The following ADCY9 variants were observed in gnomAD, a reference collection of about 807,000 sequenced individuals.
ADCY9 encodes the protein adenylate cyclase 9, also known as adenylate cyclase type 9.
In ADCY9, 50 loss-of-function variants were observed where a neutral mutation model predicts 101.5. That is an observed-to-expected ratio of 0.49 (90% CI 0.39 to 0.62). ADCY9 has a LOEUF of 0.62. Ranked by LOEUF, ADCY9 falls within the 20% of genes least tolerant of loss-of-function variation. The pLI is 0.00. For missense variants in ADCY9, 1,662 were observed against 1,800.4 expected, an observed-to-expected ratio of 0.92 and a Z score of 1.39; for synonymous variants, 905 against 769.3, an observed-to-expected ratio of 1.18 and a Z score of -2.92.
At chr16:4,066,535 TG>T (rs1232055346) in intron 2 of ADCY9, among the ~76,000 whole-genome samples, 3 of 152,082 alleles carry the variant, frequency 2.0e-5, no homozygotes, top group Non-Finnish European at 4.4e-5. Context: ...CAAAGATGCA[TG>T]TCACCACACC....
At chr16:4,062,042 G>A (rs758432368) in intron 2 of ADCY9, among the ~76,000 whole-genome samples, 1 of 152,160 alleles carries the variant, frequency 6.6e-6, no homozygotes, top group Non-Finnish European at 1.5e-5. Context: ...GTGAGCTCTA[G>A]GCACAGTGGC....
chr16:4,105,287 A>C lies in ADCY9; in HGVS notation c.1693+8463T>G, dbSNP rs549344143. On this transcript the variant is annotated intron_variant, in intron 2 of 10. Transcript: ENST00000294016. The stretch of plus-strand genomic sequence containing the variant: ...ATTTTTAAGCTTCTCAGTTTGTTTC[A>C]ATTTCTAATACTGTAAATATCAATA... 2.0e-5 allele frequency among the ~76,000 whole-genome samples: 3 copies of C among 152,298 alleles called. No homozygotes were observed. The South Asian group carries it at 6.2e-4, about 32-fold the overall frequency.
intron 9 of ADCY9, among the ~76,000 whole-genome samples, chr16:3,975,682 C>G (rs1317365593): frequency 6.6e-6 from 1 of 152,152 alleles, no homozygotes; most frequent in Admixed American, 6.5e-5. Context: ...GAAGAAATGT[C>G]CCATGTGACT....
At chr16:4,016,254 G>T (rs1207232512) in intron 2 of ADCY9, among the ~76,000 whole-genome samples, 1 of 152,220 alleles carries the variant, frequency 6.6e-6, no homozygotes, top group Non-Finnish European at 1.5e-5. Flanking sequence ...AAATGGAAAT[G>T]AAGGTCTGCA....
chr16:3,975,914 A>C (rs1014801649), intron 9 of ADCY9, among the ~76,000 whole-genome samples: 1 of 152,254 alleles, frequency 6.6e-6, no homozygotes, highest in Non-Finnish European at 1.5e-5. Flanking sequence ...CTGTATTTCC[A>C]ACAACACATT....
At chr16:4,030,294 T>C (rs1281776506) in intron 2 of ADCY9, among the ~76,000 whole-genome samples, 1 of 152,164 alleles carries the variant, frequency 6.6e-6, no homozygotes, top group Non-Finnish European at 1.5e-5. Context: ...GGATACGTTG[T>C]GATATGACCG....
At chr16:4,029,161 G>C (rs1359138584) in intron 2 of ADCY9, among the ~76,000 whole-genome samples, 2 of 152,034 alleles carry the variant, frequency 1.3e-5, no homozygotes, top group African/African-American at 2.4e-5. Context: ...ATTTCACGTG[G>C]ATTATAGACA....
chr16:4,026,162 C>T (rs983465847), intron 2 of ADCY9, among the ~76,000 whole-genome samples: 4 of 152,244 alleles, frequency 2.6e-5, no homozygotes, highest in Admixed American at 6.5e-5. Context: ...CGGTGGATCA[C>T]GCCTATAATC....
chr16:4,045,393 G>A (rs758408228), intron 2 of ADCY9, among the ~76,000 whole-genome samples: 28 of 151,830 alleles, frequency 1.8e-4, no homozygotes, highest in Non-Finnish European at 3.2e-4. Context: ...TCAGGAGTTC[G>A]CGACCAGCCT....
intron 2 of ADCY9, among the ~76,000 whole-genome samples, chr16:4,041,954 T>C (rs151236550): frequency 0.03 from 4,469 of 147,524 alleles, 255 homozygotes; most frequent in African/African-American, 0.11. Flanking sequence ...GACGGAGTCT[T>C]GCTCTGTCGC....
intron 2 of ADCY9, among the ~76,000 whole-genome samples, chr16:4,043,852 G>C (rs2056644219): frequency 6.6e-6 from 1 of 152,106 alleles, no homozygotes; most frequent in Non-Finnish European, 1.5e-5. Flanking sequence ...AAAAGAGAAG[G>C]AGAAGAAAAG....
At chr16:3,955,319 G>A (rs1412391349) in intron 5 of ADCY9, among the ~76,000 whole-genome samples, 1 of 151,784 alleles carries the variant, frequency 6.6e-6, no homozygotes, top group African/African-American at 2.4e-5. Flanking sequence ...GAGGCCAGGA[G>A]TTTAGGACTA....
intron 3 of ADCY9, among the ~76,000 whole-genome samples, chr16:4,006,691 A>T (rs78621942): frequency 6.6e-6 from 1 of 152,364 alleles, no homozygotes; most frequent in East Asian, 1.9e-4. Context: ...AACAGAAGGT[A>T]CCAGTGGGGA....
At chr16:4,003,972 C>T (rs1379917174) in intron 3 of ADCY9, among the ~76,000 whole-genome samples, 1 of 151,856 alleles carries the variant, frequency 6.6e-6, no homozygotes, top group Admixed American at 6.6e-5. Context: ...TTCAAGAACC[C>T]AAGGCCAGGC....
chr16:3,967,621 A>T (rs181787550), intron 10 of ADCY9, among the ~76,000 whole-genome samples: 1 of 151,452 alleles, frequency 6.6e-6, no homozygotes, highest in African/African-American at 2.4e-5. Context: ...TTAAACTCGT[A>T]ACTTCAAGCC....
chr16:3,986,991 C>A (rs909766282), intron 6 of ADCY9, among the ~76,000 whole-genome samples: 1 of 152,252 alleles, frequency 6.6e-6, no homozygotes, highest in African/African-American at 2.4e-5. Flanking sequence ...CCACGTCCTG[C>A]CACTCCTGCC....
chr16:3,985,014 T>C (rs769015223), intron 6 of ADCY9, among the ~76,000 whole-genome samples: 4 of 152,200 alleles, frequency 2.6e-5, no homozygotes, highest in Non-Finnish European at 4.4e-5. Flanking sequence ...GGTTAGGGTT[T>C]GGTTCCAAAT....
intron 7 of ADCY9, 198 bp downstream of exon 7, chr16:3,983,034 C>T: frequency 1.0e-5 from 6 of 599,970 alleles, no homozygotes; most frequent in South Asian, 2.2e-5. Context: ...GCGAGGTGGT[C>T]CCCCCGCATC....
intron 2 of ADCY9, among the ~76,000 whole-genome samples, chr16:4,064,506 T>G (rs896600357): frequency 1.3e-5 from 2 of 152,122 alleles, no homozygotes; most frequent in Non-Finnish European, 2.9e-5. Flanking sequence ...AGGGTCTCAC[T>G]CTGTCACTCG....
Sources: gnomAD v4.1 joint callset for allele counts (sites outside exome capture counted in the v4.1 genomes callset) on GRCh38, gnomAD v4.1.1 for gene constraint, MANE v1.5 for transcripts, NCBI Gene and HGNC (gene_info 2026-07-23, HGNC 2026-07-21) for gene names.